The following NRG3 variants were observed in gnomAD, a reference collection of about 807,000 sequenced individuals.
NRG3 encodes pro-neuregulin-3, membrane-bound isoform.
Under a neutral mutation model 66.9 loss-of-function variants are expected in NRG3, and 31 were observed. The ratio of observed to expected loss-of-function variants is 0.46; its 90% confidence interval spans 0.35 to 0.63. The LOEUF is 0.63. NRG3 is among the 20% of genes least tolerant of loss of function. NRG3 has a pLI of 0.00. For missense variants in NRG3, 910 were observed against 878.9 expected (o/e 1.04, Z -0.45); for synonymous variants, 393 against 359.4 (o/e 1.09, Z -1.06).
intron 1 of NRG3, among the ~76,000 whole-genome samples, chr10:82,295,070 T>C (rs1191616107): frequency 3.1e-5 from 4 of 127,576 alleles, no homozygotes; most frequent in Admixed American, 2.9e-4. Flanking sequence ...TGCTGACTAA[T>C]GTAAAAAAAA....
At chr10:82,260,500 A>G (rs968869272) in intron 1 of NRG3, among the ~76,000 whole-genome samples, 2 of 152,194 alleles carry the variant, frequency 1.3e-5, no homozygotes, top group African/African-American at 2.4e-5. Context: ...CATGACAATG[A>G]CAGGTTGGGT....
At chr10:81,991,921 C>T (rs2060758114) in intron 1 of NRG3, among the ~76,000 whole-genome samples, 1 of 152,036 alleles carries the variant, frequency 6.6e-6, no homozygotes, top group Non-Finnish European at 1.5e-5. Context: ...AATATTATAT[C>T]ATAGTTTCTG....
intron 3 of NRG3, among the ~76,000 whole-genome samples, chr10:82,816,558 A>T (rs2061713189): frequency 6.6e-6 from 1 of 152,194 alleles, no homozygotes; most frequent in Non-Finnish European, 1.5e-5. Context: ...TGGGCCCAGA[A>T]AAAGCACCAT....
chr10:82,166,678 A>G, intron 1 of NRG3: 2 of 504,942 alleles, frequency 4.0e-6, no homozygotes, highest in East Asian at 3.2e-5. Flanking sequence ...AAATATATAT[A>G]TTTACTAATT....
intron 2 of NRG3, among the ~76,000 whole-genome samples, chr10:82,436,272 T>C (rs1489176393): frequency 6.6e-6 from 1 of 152,136 alleles, no homozygotes; most frequent in Non-Finnish European, 1.5e-5. Context: ...CATTGAATTA[T>C]TCCCTATACC....
At chr10:82,350,114 C>A (rs2083337570) in intron 1 of NRG3, among the ~76,000 whole-genome samples, 1 of 152,048 alleles carries the variant, frequency 6.6e-6, no homozygotes, top group African/African-American at 2.4e-5. Flanking sequence ...ACACGGAACC[C>A]ACGAACATGA....
Position 82,389,630 on chromosome 10 carries a change from A to G in NRG3, c.953+30762A>G, listed in dbSNP as rs76354503. On this transcript the variant is annotated intron_variant, in intron 2 of 8. Transcript: ENST00000372141. Reference sequence around the variant, plus strand: ...ACAAACGAGGGTAACTGGTGAATATATAAGTTAATATTCTGAATTAATAAA... The same window carrying G: ...ACAAACGAGGGTAACTGGTGAATATGTAAGTTAATATTCTGAATTAATAAA... Among the ~76,000 whole-genome samples the G allele has an allele frequency of 5.4e-3, 819 of 152,316 alleles. 7 individuals carry two copies. Among genetic ancestry groups the G allele is most frequent in the African/African-American group, 0.019 (794 of 41,574 alleles).
chr10:82,908,921 G>C (rs75508896), intron 4 of NRG3, among the ~76,000 whole-genome samples: 1 of 136,100 alleles, frequency 7.3e-6, no homozygotes, highest in Admixed American at 7.3e-5. Flanking sequence ...CGCCCTCAGC[G>C]ACTGGAGCTG....
chr10:82,694,585 C>T (rs1565210293), intron 2 of NRG3, among the ~76,000 whole-genome samples: 1 of 151,830 alleles, frequency 6.6e-6, no homozygotes, highest in Non-Finnish European at 1.5e-5. Context: ...GAAACCCTGT[C>T]TCTACTAAAA....
intron 6 of NRG3, among the ~76,000 whole-genome samples, chr10:82,963,303 A>G (rs1223826392): frequency 6.6e-6 from 1 of 152,232 alleles, no homozygotes; most frequent in Non-Finnish European, 1.5e-5. Context: ...GACTTAATGT[A>G]CCCTAAATAC....
At chr10:82,140,375 A>G (rs989232004) in intron 1 of NRG3, among the ~76,000 whole-genome samples, 3 of 152,202 alleles carry the variant, frequency 2.0e-5, no homozygotes, top group African/African-American at 4.8e-5. Context: ...TTCTTGATCA[A>G]TAATTGCATG....
At chr10:82,296,910 C>A (rs1197523455) in intron 1 of NRG3, among the ~76,000 whole-genome samples, 1 of 152,030 alleles carries the variant, frequency 6.6e-6, no homozygotes, top group African/African-American at 2.4e-5. Flanking sequence ...GTAGGTAGTT[C>A]TTCAACCCTT....
chr10:82,777,497 C>CT (rs1489641182), intron 3 of NRG3, among the ~76,000 whole-genome samples: 3 of 152,146 alleles, frequency 2.0e-5, no homozygotes, highest in African/African-American at 7.2e-5. Context: ...GGTTCATTCT[C>CT]TGAGGTGCAG....
chr10:82,666,047 A>G (rs56029297), intron 2 of NRG3, among the ~76,000 whole-genome samples: 18,958 of 152,112 alleles, frequency 0.12, 1,286 homozygotes, highest in Admixed American at 0.17. Context: ...TTTTTAGTAG[A>G]GACAGGGTTT....
chr10:82,742,032 G>T (rs2058447706), intron 3 of NRG3, among the ~76,000 whole-genome samples: 2 of 151,946 alleles, frequency 1.3e-5, no homozygotes, highest in Non-Finnish European at 2.9e-5. Flanking sequence ...GTATGCTCAG[G>T]AAATAAGCTT....
chr10:82,351,150 T>C (rs1049886590), intron 1 of NRG3, among the ~76,000 whole-genome samples: 1 of 152,128 alleles, frequency 6.6e-6, no homozygotes, highest in African/African-American at 2.4e-5. Flanking sequence ...CGCCTCGGCC[T>C]CCCAAAGTGC....
intron 1 of NRG3, among the ~76,000 whole-genome samples, chr10:82,196,982 T>A (rs1179126445): frequency 6.6e-6 from 1 of 152,186 alleles, no homozygotes; most frequent in Non-Finnish European, 1.5e-5. Flanking sequence ...TTCTCTGAGT[T>A]GTCTAGTGAG....
rs188936733 is a variant in NRG3 at position 82,103,482 on chromosome 10, T to C, written c.823+227319T>C. ...TGGGTGATTGATCCAATGTCAGTTA[T>C]GTTTTAAAACCTTTGTTACTCTATA... On this transcript the variant is annotated intron_variant, in intron 1 of 8. Transcript: ENST00000372141. Among the ~76,000 whole-genome samples, 319 of 152,314 alleles carry C rather than the reference T, an allele frequency of 2.1e-3. 8 individuals carry two copies. In the South Asian group the frequency reaches 0.043, roughly 21 times the overall value.
intron 1 of NRG3, among the ~76,000 whole-genome samples, chr10:82,002,990 G>C (rs563723771): frequency 3.9e-5 from 6 of 152,182 alleles, no homozygotes; most frequent in African/African-American, 1.4e-4. Context: ...AAATGGTAAG[G>C]GGTGTTGAGG....
Sources: allele counts gnomAD v4.1 joint callset (sites outside exome capture counted in the v4.1 genomes callset), GRCh38; gene constraint gnomAD v4.1.1; transcripts MANE v1.5; gene names NCBI Gene and HGNC (gene_info 2026-07-23, HGNC 2026-07-21).